Variants in AK7 observed in about 807,000 individuals in gnomAD.
AK7 encodes the protein adenylate kinase 7, also known as ATP-AMP transphosphorylase 7.
A neutral mutation model predicts 96.6 loss-of-function variants in AK7; 78 were observed. That is an observed-to-expected ratio of 0.81 (90% CI 0.67 to 0.97). The LOEUF (loss-of-function observed/expected upper bound fraction) is 0.97. Ranked by LOEUF, AK7 falls within the 50% of genes least tolerant of loss-of-function variation. The pLI is 0.00. For synonymous variants in AK7, 302 were observed against 317.2 expected (o/e 0.95, Z 0.51); for missense variants, 855 against 887.9 (o/e 0.96, Z 0.47).
intron 8 of AK7, 86 bp downstream of exon 8, chr14:96,446,693 C>T (rs1330745576): frequency 8.1e-7 from 1 of 1,235,422 alleles, no homozygotes; most frequent in Admixed American, 1.8e-5. Context: ...GTAATCCTAG[C>T]ATTTTGGGAG....
intron 5 of AK7, among the ~76,000 whole-genome samples, chr14:96,430,520 G>C (rs185439925): frequency 4.6e-5 from 7 of 152,162 alleles, no homozygotes; most frequent in African/African-American, 1.7e-4. Flanking sequence ...GGCCTTTTCT[G>C]CATCTATTGA....
intron 13 of AK7, 112 bp from the exon 14 acceptor site, chr14:96,472,575 T>C (rs577141586): frequency 8.5e-6 from 6 of 709,190 alleles, no homozygotes; most frequent in Admixed American, 5.0e-5. Flanking sequence ...ACATGTGCTA[T>C]TTATGGCTAG....
At chr14:96,429,157 A>C (rs924135692) in intron 5 of AK7, among the ~76,000 whole-genome samples, 8 of 149,462 alleles carry the variant, frequency 5.4e-5, no homozygotes, top group African/African-American at 1.5e-4. Context: ...TAAGGAAGGG[A>C]TCCAGTTTCA....
chr14:96,427,449 A>G (rs1892092680), intron 5 of AK7, among the ~76,000 whole-genome samples: 1 of 152,224 alleles, frequency 6.6e-6, no homozygotes, highest in African/African-American at 2.4e-5. Context: ...ACCAGAACTC[A>G]TGAGAACTCA....
At chr14:96,472,633 A>T in intron 13 of AK7, 54 bp from the exon 14 acceptor site, 1 of 1,463,582 alleles carries the variant, frequency 6.8e-7, no homozygotes, top group African/African-American at 1.4e-5. Context: ...TTTTGCTGTG[A>T]TCCATAGTAA....
At chr14:96,430,915 G>T (rs1317161545) in intron 5 of AK7, among the ~76,000 whole-genome samples, 1 of 152,048 alleles carries the variant, frequency 6.6e-6, no homozygotes, top group Admixed American at 6.6e-5. Context: ...GACTATTTTT[G>T]GTTGGTAGAC....
intron 2 of AK7, among the ~76,000 whole-genome samples, chr14:96,404,150 T>TAAAAAAA (rs34091316): frequency 8.0e-5 from 8 of 99,732 alleles, no homozygotes; most frequent in African/African-American, 1.9e-4. Flanking sequence ...TGTCTCAAAT[T>TAAAAAAA]AAAAAAAAAA....
chr14:96,431,176 T>C (rs1246175600), intron 5 of AK7, among the ~76,000 whole-genome samples: 5 of 152,190 alleles, frequency 3.3e-5, no homozygotes, highest in Non-Finnish European at 5.9e-5. Flanking sequence ...TTGCTAGCGG[T>C]CTATCTCTTT....
intron 16 of AK7, among the ~76,000 whole-genome samples, chr14:96,484,960 G>A (rs1895692557): frequency 6.6e-6 from 1 of 152,192 alleles, no homozygotes; most frequent in Admixed American, 6.5e-5. Flanking sequence ...GAGGGAGGCA[G>A]GCCCAATGCA....
At chr14:96,411,196 G>A (rs1453173603) in intron 4 of AK7, among the ~76,000 whole-genome samples, 1 of 151,920 alleles carries the variant, frequency 6.6e-6, no homozygotes, top group Non-Finnish European at 1.5e-5. Flanking sequence ...AAATTAAAAA[G>A]CAAAAACTTT....
At chr14:96,439,131 CA>C (rs1382160787) in intron 6 of AK7, among the ~76,000 whole-genome samples, 1 of 152,020 alleles carries the variant, frequency 6.6e-6, no homozygotes, top group Non-Finnish European at 1.5e-5. Context: ...GTTTGGTGAT[CA>C]TGGGGGAGGT....
chr14:96,479,111 C>T lies in AK7; in HGVS notation c.1753+449C>T, dbSNP rs139537898. Among the ~76,000 whole-genome samples, 1,040 of 151,638 alleles carry T rather than the reference C, an allele frequency of 6.9e-3. 17 individuals are homozygous for T. The highest frequency in any genetic ancestry group is 0.024 in the African/African-American group (990 of 41,338). ...TTTTTTTTTGAGATGGAGTCTTGCT[C>T]TATTGCCCAGGCTGGAGTGCAGTGG... On this transcript the variant is annotated intron_variant, in intron 15 of 17. Coordinates refer to ENST00000267584, the MANE Select transcript of AK7 (RefSeq NM_152327.5).
chr14:96,446,687 T>C, intron 8 of AK7, 80 bp downstream of exon 8: 1 of 1,317,544 alleles, frequency 7.6e-7, no homozygotes, highest in Non-Finnish European at 1.1e-6. Context: ...ATGCCTGTAA[T>C]CCTAGCATTT....
At chr14:96,431,926 T>C (rs573234199) in intron 5 of AK7, among the ~76,000 whole-genome samples, 1 of 152,334 alleles carries the variant, frequency 6.6e-6, no homozygotes, top group East Asian at 1.9e-4. Context: ...ACTTGCTTTA[T>C]GAATCTGGGT....
chr14:96,447,249 A>G (rs1893294241), intron 8 of AK7, among the ~76,000 whole-genome samples: 1 of 152,228 alleles, frequency 6.6e-6, no homozygotes, highest in Admixed American at 6.5e-5. Flanking sequence ...CAAAGTATTG[A>G]TATGATCAGG....
intron 1 of AK7, among the ~76,000 whole-genome samples, chr14:96,394,750 C>T (rs149092177): frequency 0.011 from 1,746 of 152,214 alleles, 40 homozygotes; most frequent in African/African-American, 0.039. Flanking sequence ...CCAAGGCAAG[C>T]GGATCACTTG....
At chr14:96,476,580 T>C (rs1895196185) in intron 14 of AK7, among the ~76,000 whole-genome samples, 1 of 151,924 alleles carries the variant, frequency 6.6e-6, no homozygotes, top group Admixed American at 6.5e-5. Flanking sequence ...CCTTGTTATC[T>C]ACGGTCTTAC....
intron 10 of AK7, among the ~76,000 whole-genome samples, chr14:96,455,851 C>G (rs1053290349): frequency 5.3e-5 from 8 of 152,264 alleles, no homozygotes; most frequent in African/African-American, 1.9e-4. Context: ...ATGTGGCAGT[C>G]ACCCTGGTGG....
intron 5 of AK7, among the ~76,000 whole-genome samples, chr14:96,433,441 C>T (rs1892466960): frequency 6.6e-6 from 1 of 152,166 alleles, no homozygotes; most frequent in South Asian, 2.1e-4. Context: ...CACTGATACC[C>T]TTTCTTCCAC....
Sources: allele counts gnomAD v4.1 joint callset (sites outside exome capture counted in the v4.1 genomes callset), GRCh38; gene constraint gnomAD v4.1.1; transcripts MANE v1.5; gene names NCBI Gene and HGNC (gene_info 2026-07-23, HGNC 2026-07-21).